TCP11L1: variants seen among roughly 807,000 people sequenced by gnomAD.
TCP11L1 encodes T-complex protein 11-like protein 1.
A neutral mutation model predicts 48.9 loss-of-function variants in TCP11L1; 28 were observed. The ratio of observed to expected loss-of-function variants is 0.57; its 90% CI spans 0.42 to 0.78. The LOEUF is 0.78. Ranked by LOEUF, TCP11L1 falls within the 30% of genes least tolerant of loss-of-function variation. The pLI, the probability that TCP11L1 is intolerant of heterozygous loss-of-function variation, is 0.00. For synonymous variants in TCP11L1, 204 were observed against 231.9 expected (o/e 0.88, Z 1.09); for missense variants, 505 against 613.4 (o/e 0.82, Z 1.87).
intron 2 of TCP11L1, among the ~76,000 whole-genome samples, chr11:33,046,925 A>G (rs1854012871): frequency 6.6e-6 from 1 of 151,690 alleles, no homozygotes; most frequent in South Asian, 2.1e-4. Flanking sequence ...GTAATACTTT[A>G]AGAGTGGAGT....
At chr11:33,063,631 GA>G (rs771457755) in intron 7 of TCP11L1, among the ~76,000 whole-genome samples, 1 of 152,144 alleles carries the variant, frequency 6.6e-6, no homozygotes, top group African/African-American at 2.4e-5. Flanking sequence ...ACCTCTTTAA[GA>G]AGATGACTAA....
At chr11:33,042,903 T>C (rs1041858225) in intron 1 of TCP11L1, among the ~76,000 whole-genome samples, 2 of 152,156 alleles carry the variant, frequency 1.3e-5, no homozygotes, top group African/African-American at 4.8e-5. Flanking sequence ...CCATCTCTCC[T>C]AAAAATACAA....
chr11:33,056,259 C>T (rs10430852), intron 3 of TCP11L1, among the ~76,000 whole-genome samples: 99 of 151,884 alleles, frequency 6.5e-4, no homozygotes, highest in Non-Finnish European at 1.0e-3. Flanking sequence ...ATAAAGCATG[C>T]ACCACCACAC....
rs1854836658 is a variant in TCP11L1, at chr11:33,072,828, G to A, written c.*152G>A. 3.8e-6 allele frequency: 3 copies of A among 792,966 alleles called. No individual in the cohort carries two copies. The highest frequency in any genetic ancestry group is 6.0e-6 in the Non-Finnish European group (3 of 501,770). The allele number at this position is 792,966 out of a possible 1,614,324, so 49.1% of individuals were successfully genotyped here. A position where few individuals can be genotyped will look rare whatever the true frequency, so the allele number is the denominator to read the frequency against. On this transcript the variant is annotated 3_prime_UTR_variant, in exon 10 of 10. Transcript: ENST00000334274. ...GAATATTGTGTATCACTGTTGAAAAGACTTGTTGAGAAATCCACTGAATTC... is the reference window on the plus strand; with the variant it reads ...GAATATTGTGTATCACTGTTGAAAAAACTTGTTGAGAAATCCACTGAATTC...
chr11:33,072,362 T>G (rs1854817174), intron 9 of TCP11L1, 112 bp from the exon 10 acceptor site: 1 of 1,080,384 alleles, frequency 9.3e-7, no homozygotes, highest in Non-Finnish European at 1.4e-6. Flanking sequence ...CTGGGAGTAT[T>G]GATCGGGGAC....
At chr11:33,057,808 T>C in intron 4 of TCP11L1, 111 bp from the exon 5 acceptor site, 1 of 875,308 alleles carries the variant, frequency 1.1e-6, no homozygotes, top group Non-Finnish European at 1.7e-6. Context: ...GTAAAATATG[T>C]GCAATATTAC....
chr11:33,040,032 A>G (rs1368853739), intron 1 of TCP11L1: 1 of 152,192 alleles, frequency 6.6e-6, no homozygotes, highest in Admixed American at 6.5e-5. Context: ...ACAGCTGTTT[A>G]CAACGGAATC....
intron 8 of TCP11L1, among the ~76,000 whole-genome samples, chr11:33,066,528 A>T (rs1854625187): frequency 6.6e-6 from 1 of 151,972 alleles, no homozygotes; most frequent in Non-Finnish European, 1.5e-5. Context: ...GAGGAATTGG[A>T]GATCCCGGGC....
rs58327223 is a variant in TCP11L1, at chr11:33,062,568, C to T, written c.972+842C>T. Among the ~76,000 whole-genome samples, 20 of 152,286 alleles carry T rather than the reference C, an allele frequency of 1.3e-4. No homozygotes were observed. In the East Asian group the frequency reaches 3.5e-3, roughly 26 times the overall value. ...TTGTCCAGTTCAGTGGCATTAAGTG[C>T]ATCCACATTGTTGTGCAACCATTGC... On this transcript the variant is annotated intron_variant, in intron 7 of 9. Coordinates refer to ENST00000334274, the MANE Select transcript of TCP11L1 (RefSeq NM_018393.4).
At chr11:33,045,305 A>G (rs1216141326) in intron 2 of TCP11L1, among the ~76,000 whole-genome samples, 1 of 151,296 alleles carries the variant, frequency 6.6e-6, no homozygotes, top group Non-Finnish European at 1.5e-5. Flanking sequence ...GTGAGCCGAG[A>G]TCACGCCACT....
chr11:33,040,123 C>A (rs915645954), intron 1 of TCP11L1: 1 of 122,312 alleles, frequency 8.2e-6, no homozygotes, highest in Non-Finnish European at 1.8e-5. Context: ...TTTTCTTTTG[C>A]CGAAAGACCC....
In TCP11L1 at chr11:33,072,793, C is replaced by A. The variant is rs1300517549; in HGVS notation, c.*117C>A. The A allele has an allele frequency of 1.8e-6, 2 of 1,089,340 alleles. No homozygotes were observed. Among genetic ancestry groups the A allele is most frequent in the Non-Finnish European group, 2.7e-6 (2 of 739,642 alleles). 67.5% of individuals were successfully genotyped at this position (1,089,340 alleles called of 1,614,324 possible). A position where few individuals can be genotyped will look rare whatever the true frequency, so the allele number is the denominator to read the frequency against. ...ACATGTCTATTTAACAGCACCGATT[C>A]CAAAGGGAAGAATATTGTGTATCAC... is the stretch of plus-strand genomic sequence containing the variant. On this transcript the variant is annotated 3_prime_UTR_variant, in exon 10 of 10. Transcript: ENST00000334274.
chr11:33,066,792 C>T (rs966756807), intron 8 of TCP11L1, among the ~76,000 whole-genome samples: 1 of 152,114 alleles, frequency 6.6e-6, no homozygotes, highest in African/African-American at 2.4e-5. Flanking sequence ...GAAACTGGAA[C>T]CCAGAGACAT....
Position 33,073,348 on chromosome 11 carries a change from C to T in TCP11L1, c.*672C>T, listed in dbSNP as rs1854852112. ...ACTTTAAAAAGCTTGTTCTTTTATA[C>T]AAAATTACTCCTGCATCTGGTTGAG... is the stretch of plus-strand genomic sequence containing the variant. On this transcript the variant is annotated 3_prime_UTR_variant, in exon 10 of 10. Coordinates refer to ENST00000334274, the MANE Select transcript of TCP11L1 (RefSeq NM_018393.4). 1 of 151,676 alleles carries T rather than the reference C, an allele frequency of 6.6e-6. No homozygotes were observed. The highest frequency in any genetic ancestry group is 2.4e-5 in the African/African-American group (1 of 41,244). The allele number at this position is 151,676 out of a possible 1,614,324, so 9.4% of individuals were successfully genotyped here.
Position 33,043,905 on chromosome 11 carries a change from C to T in TCP11L1, c.132C>T (p.Ser44=), listed in dbSNP as rs548916244. 14 of 1,613,036 alleles carry T rather than the reference C, an allele frequency of 8.7e-6. No homozygotes were observed. In the East Asian group the frequency reaches 2.9e-4, roughly 33 times the overall value. Residue 44 remains serine (S), a synonymous_variant, in exon 2 of 10, where the codon TCC becomes TCT. Transcript: ENST00000334274. ...EALQKAIKSD[S]SSPQRVQRPH... ...TACAAAAAGCAATAAAGTCAGACTC[C>T]TCCAGCCCCCAAAGAGTGCAGAGAC...
At chr11:33,057,809 G>T (rs906600890) in intron 4 of TCP11L1, 110 bp from the exon 5 acceptor site, 59 of 883,280 alleles carry the variant, frequency 6.7e-5, no homozygotes, top group Non-Finnish European at 8.9e-5. Context: ...TAAAATATGT[G>T]CAATATTACG....
chr11:33,065,298 T>C (rs56146088), intron 7 of TCP11L1, among the ~76,000 whole-genome samples: 4,255 of 152,216 alleles, frequency 0.028, 84 homozygotes, highest in Non-Finnish European at 0.042. Flanking sequence ...AGTTTCACTC[T>C]TGTTGCCCAG....
In TCP11L1 at chr11:33,068,730, G is replaced by A. The variant is rs1409084413; in HGVS notation, c.1198G>A (p.Val400Met). Residue 400 changes from valine to methionine, a missense_variant, in exon 9 of 10, where the codon GTG becomes ATG. By Grantham distance (21) the Val-to-Met change is conservative. This residue lies in a region of TCP11L1 where 335 missense variants were observed against 413.3 expected (regional missense o/e 0.81). Coordinates refer to ENST00000334274, the MANE Select transcript of TCP11L1 (RefSeq NM_018393.4). The part of the protein sequence containing the change: ...KDVLTTIGEK[V>M]CLEVSSCLSL... ...CGTCCTCACTACCATCGGGGAGAAG[G>A]TGTGCCTGGAGGTGAGCAGCTGCCT... The A allele has an allele frequency of 1.2e-6, 2 of 1,613,998 alleles. No homozygotes were observed. The highest frequency in any genetic ancestry group is 4.5e-5 in the East Asian group (2 of 44,878).
In TCP11L1 at chr11:33,058,288, T is replaced by G. The variant is rs1026273625; in HGVS notation, c.638+149T>G. ...ATCTTGGTTCACTGCAACCTCCACC[T>G]CCTGGATTCAAGCAATTGTCGTGCC... On this transcript the variant is annotated intron_variant, in intron 5 of 9. Coordinates refer to ENST00000334274, the MANE Select transcript of TCP11L1 (RefSeq NM_018393.4). 7 of 734,118 alleles carry G rather than the reference T, an allele frequency of 9.5e-6. No homozygotes were observed. The Admixed American group carries it at 9.8e-5, about 10-fold the overall frequency. 45.5% of individuals were successfully genotyped at this position (734,118 alleles called of 1,614,324 possible). A position where few individuals can be genotyped will look rare whatever the true frequency, so the allele number is the denominator to read the frequency against.
Sources: allele counts gnomAD v4.1 joint callset (sites outside exome capture counted in the v4.1 genomes callset), GRCh38; gene constraint gnomAD v4.1.1; regional missense constraint gnomAD v4.1.1; transcripts MANE v1.5; gene names NCBI Gene and HGNC (gene_info 2026-07-23, HGNC 2026-07-21).